ZSCAN5A: variants seen among roughly 807,000 people sequenced by gnomAD.
The protein encoded by ZSCAN5A is zinc finger and SCAN domain-containing protein 5A.
Under a neutral mutation model 23.7 loss-of-function variants are expected in ZSCAN5A, and 12 were observed. The observed-to-expected ratio is 0.51, with a 90% CI of 0.32 to 0.82. The LOEUF is 0.82. Among genes scored for constraint, ZSCAN5A ranks in the 40% least tolerant of loss-of-function variants. The probability of loss-of-function intolerance (pLI) is 0.03; values close to 1 mark genes in which losing one functional copy is unlikely to be tolerated. For missense variants in ZSCAN5A, 597 were observed against 617.9 expected, an observed-to-expected ratio of 0.97 and a Z score of 0.36; for synonymous variants, 257 against 239.9, an observed-to-expected ratio of 1.07 and a Z score of -0.66.
rs763156569 is a variant in ZSCAN5A at position 56,223,736 on chromosome 19, C to T, written c.483G>A (p.Val161=). Residue 161 remains valine (V), a synonymous_variant, in exon 4 of 6, where the codon GTG becomes GTA. Coordinates refer to ENST00000683990, the MANE Select transcript of ZSCAN5A (RefSeq NM_001322064.3). ...PSSVRDDLKD[V]SSQRASSVNQ... is the part of the protein sequence containing the mutation. ...TCACCGAGGAGGCCCGTTGGCTGGA[C>T]ACGTCTTTCAGATCATCTCTGACAC... 3.7e-6 allele frequency: 6 copies of T among 1,614,034 alleles called. No individual in the cohort carries two copies. Among genetic ancestry groups the T allele is most frequent in the Non-Finnish European group, 5.1e-6 (6 of 1,180,012 alleles).
At chr19:56,365,818 T>G (rs10405914) in intron 1 of ZSCAN5A, 23,951 of 152,180 alleles carry the variant, frequency 0.16, 2,006 homozygotes, top group Middle Eastern at 0.3. Flanking sequence ...AAGCTGAATG[T>G]GGTTAAGTCT....
intron 2 of ZSCAN5A, among the ~76,000 whole-genome samples, chr19:56,240,705 T>G (rs1362793338): frequency 6.6e-6 from 1 of 152,218 alleles, no homozygotes; most frequent in South Asian, 2.1e-4. Context: ...GAAACCCTTA[T>G]GTAAACTAGG....
chr19:56,325,565 G>A lies in ZSCAN5A; in HGVS notation c.-357-9297C>T, dbSNP rs1053146468. Among the ~76,000 whole-genome samples, 4 of 152,140 alleles carry A rather than the reference G, an allele frequency of 2.6e-5. No homozygotes were observed. The East Asian group carries it at 7.7e-4, about 29-fold the overall frequency. ...CTTTTATCCCTGCCTGAAAACTGTTGCCAGATAGAATGCATCCAGGTTTGT... is the reference window on the plus strand; with the variant it reads ...CTTTTATCCCTGCCTGAAAACTGTTACCAGATAGAATGCATCCAGGTTTGT... On this transcript the variant is annotated intron_variant, in intron 2 of 6. Coordinates refer to the ZSCAN5A transcript ENST00000587340.
chr19:56,275,123 G>A (rs1476557958), intron 2 of ZSCAN5A, among the ~76,000 whole-genome samples: 1 of 152,164 alleles, frequency 6.6e-6, no homozygotes, highest in Non-Finnish European at 1.5e-5. Context: ...CTCGGCTAAG[G>A]TGGTGTCTGC....
intron 2 of ZSCAN5A, among the ~76,000 whole-genome samples, chr19:56,336,533 C>G (rs928452216): frequency 5.3e-5 from 8 of 151,674 alleles, no homozygotes; most frequent in Non-Finnish European, 1.2e-4. Flanking sequence ...GTTCGAACTT[C>G]CTCCTTTAGC....
At chr19:56,236,656 T>C (rs77561697) in intron 2 of ZSCAN5A, among the ~76,000 whole-genome samples, 456 of 16,020 alleles carry the variant, frequency 0.028, no homozygotes, top group Middle Eastern at 0.062. Flanking sequence ...CAAGCCTCCA[T>C]TCCAGCCTCT....
At chr19:56,323,838 C>T (rs1003221876) in intron 2 of ZSCAN5A, among the ~76,000 whole-genome samples, 1 of 150,322 alleles carries the variant, frequency 6.7e-6, no homozygotes. Context: ...GCCTGGCCGG[C>T]AGAACTTTTT....
chr19:56,295,626 A>G (rs1366934824), intron 2 of ZSCAN5A, among the ~76,000 whole-genome samples: 1 of 151,852 alleles, frequency 6.6e-6, no homozygotes, highest in Non-Finnish European at 1.5e-5. Flanking sequence ...ACAAAAACAA[A>G]CAGAAGAGAT....
At chr19:56,315,527 C>G (rs1377578276), upstream of ZSCAN5A, 2 of 152,342 alleles carry the variant, frequency 1.3e-5, no homozygotes, top group African/African-American at 4.8e-5. Context: ...TCCCAGTTCC[C>G]CTGTGACTTC....
In ZSCAN5A at chr19:56,304,734, T is replaced by G. The variant is rs569626312; in HGVS notation, c.-128+8549A>C. 6.6e-5 allele frequency: 64 copies of G among 964,950 alleles called. 1 individual carries two copies. In the South Asian group the frequency reaches 2.6e-3, roughly 40 times the overall value. The allele number at this position is 964,950 out of a possible 1,614,324, so 59.8% of individuals were successfully genotyped here. On this transcript the variant is annotated intron_variant, in intron 2 of 5. Coordinates refer to ENST00000683990, the MANE Select transcript of ZSCAN5A (RefSeq NM_001322064.3). ...GGAGAAAGGGAGGTAAGGAAGGAAT[T>G]CACTCGCCTCACCCCAACTGTTTCT... is the stretch of plus-strand genomic sequence containing the variant.
intron 2 of ZSCAN5A, chr19:56,320,167 T>G (rs771009828): frequency 4.2e-6 from 3 of 710,830 alleles, no homozygotes; most frequent in Non-Finnish European, 7.9e-6. Context: ...TATAGAAACT[T>G]CCTGGTTGTT....
chr19:56,341,702 C>CAAAAAAAAAAAAAAAAAAAAAAAAA (rs1175628460), intron 2 of ZSCAN5A, among the ~76,000 whole-genome samples: 1 of 53,784 alleles, frequency 1.9e-5, no homozygotes, highest in Non-Finnish European at 3.5e-5. Flanking sequence ...TACCAAAAGG[C>CAAAAAAAAAAAAAAAAAAAAAAAAA]AAAAAAAAAA....
chr19:56,245,360 G>C, intron 2 of ZSCAN5A: 1 of 752,914 alleles, frequency 1.3e-6, no homozygotes, highest in South Asian at 1.4e-5. Flanking sequence ...GATGCGTCCG[G>C]GGGAAGGCCA....
chr19:56,312,442 CA>C (rs1200295536), intron 2 of ZSCAN5A: 1 of 152,198 alleles, frequency 6.6e-6, no homozygotes, highest in Non-Finnish European at 1.5e-5. Flanking sequence ...CCGTACACCT[CA>C]AAACTGTCAA....
intron 2 of ZSCAN5A, among the ~76,000 whole-genome samples, chr19:56,304,441 G>C (rs1034754759): frequency 6.6e-6 from 1 of 152,224 alleles, no homozygotes; most frequent in African/African-American, 2.4e-5. Context: ...AGTGGGCAGA[G>C]GCCAGGGAGG....
chr19:56,232,166 G>T (rs767169516), intron 2 of ZSCAN5A, among the ~76,000 whole-genome samples: 1 of 151,602 alleles, frequency 6.6e-6, no homozygotes, highest in Non-Finnish European at 1.5e-5. Context: ...TTGTAGAGAT[G>T]GGTCTCACTA....
chr19:56,229,063 G>C (rs186952453), intron 2 of ZSCAN5A, among the ~76,000 whole-genome samples: 4 of 152,286 alleles, frequency 2.6e-5, no homozygotes, highest in African/African-American at 9.6e-5. Context: ...AAGCCTTAAC[G>C]GTGGGTGTGA....
chr19:56,319,714 A>G (rs367772739), upstream of ZSCAN5A: 1 of 626,856 alleles, frequency 1.6e-6, no homozygotes. Flanking sequence ...ATAGCAAAAT[A>G]TGCACAAACA....
At chr19:56,320,140 T>C in intron 2 of ZSCAN5A, 1 of 743,472 alleles carries the variant, frequency 1.3e-6, no homozygotes, top group Non-Finnish European at 2.5e-6. Flanking sequence ...CTGATCAAAG[T>C]TTAGTCTGTT....
Sources: gnomAD v4.1 joint callset for allele counts (sites outside exome capture counted in the v4.1 genomes callset) on GRCh38, gnomAD v4.1.1 for gene constraint, MANE v1.5 for transcripts, NCBI Gene and HGNC (gene_info 2026-07-23, HGNC 2026-07-21) for gene names.